DAB1: variants seen among roughly 807,000 people sequenced by gnomAD.
DAB1 encodes disabled homolog 1.
A neutral mutation model predicts 64.6 loss-of-function variants in DAB1; 15 were observed. The ratio of observed to expected loss-of-function variants is 0.23; its 90% CI spans 0.16 to 0.36. DAB1 has a LOEUF of 0.36. Ranked by LOEUF, DAB1 falls within the 10% of genes least tolerant of loss-of-function variation. DAB1 has a pLI of 1.00. For missense variants in DAB1, 596 were observed against 706.7 expected (o/e 0.84, Z 1.78); for synonymous variants, 235 against 251.9 (o/e 0.93, Z 0.64).
chr1:58,017,323 G>A (rs1176595705), intron 5 of DAB1, among the ~76,000 whole-genome samples: 1 of 152,120 alleles, frequency 6.6e-6, no homozygotes, highest in Admixed American at 6.6e-5. Flanking sequence ...CAGTCACTCT[G>A]TTCTCTGCCA....
chr1:57,401,662 C>T (rs1489244126), intron 1 of DAB1, among the ~76,000 whole-genome samples: 1 of 152,214 alleles, frequency 6.6e-6, no homozygotes, highest in African/African-American at 2.4e-5. Context: ...CATCCAAACC[C>T]TTTCATCTCA....
rs139819618 is a variant in DAB1, at chr1:57,350,742, C to CAA, written c.-136-59578_-136-59577dup. Reference sequence around the variant, plus strand: ...CACAACAGCTGGCTTCAAGTGTCTTCAAAAAAAAAATAGCTATTCAAGTCA... The same window carrying CAA: ...CACAACAGCTGGCTTCAAGTGTCTTCAAAAAAAAAAAATAGCTATTCAAGTCA... On this transcript the variant is annotated intron_variant, in intron 1 of 14. Transcript: ENST00000371236. Among the ~76,000 whole-genome samples, 111 of 148,750 alleles carry CAA rather than the reference C, an allele frequency of 7.5e-4. 1 individual carries two copies. The highest frequency in any genetic ancestry group is 2.7e-3 in the African/African-American group (110 of 40,718).
At chr1:57,091,227 C>T (rs1466879370) in intron 4 of DAB1, among the ~76,000 whole-genome samples, 1 of 152,074 alleles carries the variant, frequency 6.6e-6, no homozygotes, top group East Asian at 1.9e-4. Context: ...AGATTAGGGA[C>T]TGCTATTCTA....
intron 6 of DAB1, among the ~76,000 whole-genome samples, chr1:57,780,102 G>C (rs1488946690): frequency 2.0e-5 from 3 of 152,080 alleles, no homozygotes; most frequent in Non-Finnish European, 4.4e-5. Context: ...TCCAAACTGA[G>C]TACCCTATTA....
chr1:57,900,353 C>T (rs1038216111), intron 5 of DAB1, among the ~76,000 whole-genome samples: 1 of 152,136 alleles, frequency 6.6e-6, no homozygotes, highest in East Asian at 1.9e-4. Context: ...TCCCCTGCTG[C>T]CTTCTTTATT....
chr1:57,696,574 G>A (rs1249566501), intron 6 of DAB1, among the ~76,000 whole-genome samples: 1 of 152,106 alleles, frequency 6.6e-6, no homozygotes, highest in Non-Finnish European at 1.5e-5. Flanking sequence ...CCTACAGCTG[G>A]CCAACACTCT....
At chr1:57,019,357 T>A (rs1300686205) in intron 11 of DAB1, among the ~76,000 whole-genome samples, 4 of 152,184 alleles carry the variant, frequency 2.6e-5, no homozygotes, top group Non-Finnish European at 2.9e-5. Context: ...TCCCATCTTT[T>A]ATTTTTTTTC....
chr1:57,500,278 G>A (rs1185336134), intron 7 of DAB1, among the ~76,000 whole-genome samples: 1 of 152,190 alleles, frequency 6.6e-6, no homozygotes, highest in African/African-American at 2.4e-5. Flanking sequence ...CATCCACACT[G>A]AATAAATTTC....
intron 1 of DAB1, among the ~76,000 whole-genome samples, chr1:57,305,466 C>A (rs1674056657): frequency 6.6e-6 from 1 of 152,208 alleles, no homozygotes; most frequent in African/African-American, 2.4e-5. Context: ...GGGATGGATG[C>A]AGTCCACACA....
chr1:57,106,257 A>ACCCCCCC (rs10658621), intron 4 of DAB1, among the ~76,000 whole-genome samples: 12 of 138,726 alleles, frequency 8.7e-5, no homozygotes, highest in African/African-American at 3.3e-4. Flanking sequence ...TCCCCCTAAC[A>ACCCCCCC]CCCCCCCCCA....
chr1:57,236,537 C>T (rs1369820822), intron 2 of DAB1, among the ~76,000 whole-genome samples: 3 of 152,092 alleles, frequency 2.0e-5, no homozygotes, highest in African/African-American at 7.2e-5. Flanking sequence ...CAAGGCATGA[C>T]TGAAAAATGG....
chr1:58,447,859 A>AC (rs1553183234), intron 3 of DAB1, among the ~76,000 whole-genome samples: 2 of 104,194 alleles, frequency 1.9e-5, no homozygotes, highest in African/African-American at 4.2e-5. Flanking sequence ...GACTTAAACA[A>AC]AAAAAAAAAA....
At position 58,281,058 on chromosome 1, in the gene DAB1, G is replaced by T. The variant is rs967904512; in HGVS notation, n.309+62294C>A. On this transcript the variant is annotated intron_variant and non_coding_transcript_variant, in intron 4 of 20. Coordinates refer to the DAB1 transcript ENST00000485760. ...CACAGCTTGTGTGTTTGGGGAGAAA[G>T]ACAGGTTGGGGAAGATGAGCAAGAA... Among the ~76,000 whole-genome samples the T allele has an allele frequency of 2.0e-5, 3 of 152,144 alleles. No homozygotes were observed. The East Asian group carries it at 5.8e-4, about 29-fold the overall frequency.
intron 6 of DAB1, among the ~76,000 whole-genome samples, chr1:57,745,068 A>G (rs570364065): frequency 2.6e-5 from 4 of 152,198 alleles, no homozygotes; most frequent in Admixed American, 6.5e-5. Context: ...CCATTTAGTA[A>G]TTGGTAATGA....
At chr1:57,029,266 G>A (rs889770209) in intron 9 of DAB1, among the ~76,000 whole-genome samples, 1 of 152,212 alleles carries the variant, frequency 6.6e-6, no homozygotes, top group Admixed American at 6.5e-5. Flanking sequence ...GAGTCTACGG[G>A]TGCACAGAAG....
chr1:57,238,652 TA>T (rs1167460847), intron 2 of DAB1, among the ~76,000 whole-genome samples: 2 of 152,122 alleles, frequency 1.3e-5, no homozygotes, highest in Non-Finnish European at 2.9e-5. Context: ...AGCTTCAGAT[TA>T]AGCCCTAGTT....
At chr1:57,690,233 C>A (rs1646747955) in intron 6 of DAB1, among the ~76,000 whole-genome samples, 1 of 152,154 alleles carries the variant, frequency 6.6e-6, no homozygotes, top group Non-Finnish European at 1.5e-5. Flanking sequence ...GGGCAAATAA[C>A]TCTTCAGTAT....
intron 5 of DAB1, among the ~76,000 whole-genome samples, chr1:58,083,741 A>G (rs1413891039): frequency 6.6e-6 from 1 of 152,260 alleles, no homozygotes; most frequent in African/African-American, 2.4e-5. Flanking sequence ...ACAATAAGCA[A>G]ACAGACACAC....
At chr1:58,185,391 A>G (rs1657020167) in intron 4 of DAB1, among the ~76,000 whole-genome samples, 1 of 152,142 alleles carries the variant, frequency 6.6e-6, no homozygotes, top group African/African-American at 2.4e-5. Context: ...CAGCAAATAC[A>G]TGCTGGGCAA....
Sources: allele counts gnomAD v4.1 joint callset (sites outside exome capture counted in the v4.1 genomes callset), GRCh38; gene constraint gnomAD v4.1.1; transcripts MANE v1.5; gene names NCBI Gene and HGNC (gene_info 2026-07-23, HGNC 2026-07-21).